SMAD2: variants seen among roughly 807,000 people sequenced by gnomAD.
The protein encoded by SMAD2 is SMAD family member 2.
Under a neutral mutation model 64.4 loss-of-function variants are expected in SMAD2, and 8 were observed. The observed-to-expected ratio is 0.12, with a 90% confidence interval of 0.07 to 0.22. SMAD2 has a LOEUF of 0.22. Among genes scored for constraint, SMAD2 ranks in the 10% least tolerant of loss-of-function variants. SMAD2 has a pLI of 1.00. For missense variants in SMAD2, 289 were observed against 561.2 expected, an observed-to-expected ratio of 0.51 and a Z score of 4.90; for synonymous variants, 203 against 195.8, an observed-to-expected ratio of 1.04 and a Z score of -0.31.
chr18:47,886,456 G>A (rs2032902288), intron 2 of SMAD2, among the ~76,000 whole-genome samples: 1 of 152,070 alleles, frequency 6.6e-6, no homozygotes, highest in South Asian at 2.1e-4. Context: ...ATAAATTTGT[G>A]TTCAGTATCT....
At chr18:47,893,068 G>A (rs967474094) in intron 2 of SMAD2, among the ~76,000 whole-genome samples, 1 of 151,946 alleles carries the variant, frequency 6.6e-6, no homozygotes, top group Non-Finnish European at 1.5e-5. Context: ...CTGATTTCAC[G>A]ACCAAGTTGT....
Position 47,815,592 on chromosome 18 carries a change from T to G in SMAD2, c.*26235A>C, listed in dbSNP as rs1003388318. 6.6e-6 allele frequency: 1 copy of G among 152,186 alleles called. No homozygotes were observed. Among genetic ancestry groups the G allele is most frequent in the Non-Finnish European group, 1.5e-5 (1 of 68,038 alleles). 9.4% of individuals were successfully genotyped at this position (152,186 alleles called of 1,614,324 possible). Reference sequence around the variant, plus strand: ...TGGAAACCATTTATTTAACCACTAGTACAAAAACTGGCCTTGAATAAGACA... The same window carrying G: ...TGGAAACCATTTATTTAACCACTAGGACAAAAACTGGCCTTGAATAAGACA... On this transcript the variant is annotated 3_prime_UTR_variant, in exon 11 of 11. Coordinates refer to ENST00000262160, the MANE Select transcript of SMAD2 (RefSeq NM_005901.6).
chr18:47,928,907 G>T (rs2034877807), intron 1 of SMAD2, among the ~76,000 whole-genome samples: 1 of 152,142 alleles, frequency 6.6e-6, no homozygotes. Flanking sequence ...GTAAAAGTGG[G>T]CACACTCTTT....
chr18:47,870,720 C>T (rs1377880288), intron 2 of SMAD2, among the ~76,000 whole-genome samples, 156 bp from the exon 3 acceptor site: 2 of 152,116 alleles, frequency 1.3e-5, no homozygotes, highest in East Asian at 3.8e-4. Context: ...GTGCTGGTTA[C>T]TATATTTTCT....
chr18:47,845,528 T>G (rs1445891283), intron 9 of SMAD2, 44 bp from the exon 10 acceptor site: 1 of 1,593,654 alleles, frequency 6.3e-7, no homozygotes, highest in African/African-American at 1.3e-5. Flanking sequence ...AGAGTATCAT[T>G]ATTAAAAAGT....
rs1913630993 is a variant in SMAD2 at position 47,838,349 on chromosome 18, C to T, written c.*3478G>A. 1 of 233,026 alleles carries T rather than the reference C, an allele frequency of 4.3e-6. No homozygotes were observed. Among genetic ancestry groups the T allele is most frequent in the Admixed American group, 5.6e-5 (1 of 17,750 alleles). The allele number at this position is 233,026 out of a possible 1,614,324, so 14.4% of individuals were successfully genotyped here. Reference sequence around the variant, plus strand: ...TTTCAAGAAAAATTAGGCAGATTTCCTTCTGCCAAAGTGACAGGTCCTGAG... The same window carrying T: ...TTTCAAGAAAAATTAGGCAGATTTCTTTCTGCCAAAGTGACAGGTCCTGAG... On this transcript the variant is annotated 3_prime_UTR_variant, in exon 11 of 11. Transcript: ENST00000262160.
At chr18:47,922,686 A>C (rs1598902792) in intron 1 of SMAD2, 1 of 152,258 alleles carries the variant, frequency 6.6e-6, no homozygotes, top group East Asian at 1.9e-4. Flanking sequence ...CAGCAGCATC[A>C]ATGACCTGGA....
At chr18:47,873,021 T>A (rs988029875) in intron 2 of SMAD2, among the ~76,000 whole-genome samples, 2 of 152,068 alleles carry the variant, frequency 1.3e-5, no homozygotes, top group Non-Finnish European at 2.9e-5. Context: ...GTCACCACGA[T>A]TGGCTAATTT....
At chr18:47,849,488 TATA>T (rs1914876693) in intron 7 of SMAD2, among the ~76,000 whole-genome samples, 6 of 10,808 alleles carry the variant, frequency 5.6e-4, no homozygotes, top group Non-Finnish European at 6.9e-4. Context: ...GAAATGTATG[TATA>T]TATATATATA....
intron 2 of SMAD2, among the ~76,000 whole-genome samples, chr18:47,873,613 C>T (rs974750656): frequency 2.8e-4 from 42 of 152,208 alleles, no homozygotes; most frequent in African/African-American, 1.0e-3. Flanking sequence ...GGTTCTAATT[C>T]CAGTAATGGC....
chr18:47,922,570 G>A (rs755811236), intron 1 of SMAD2: 5 of 152,242 alleles, frequency 3.3e-5, no homozygotes, highest in Non-Finnish European at 5.9e-5. Context: ...GGACTTCAGC[G>A]TTCTCATATT....
At chr18:47,888,992 G>C (rs1238529698) in intron 2 of SMAD2, among the ~76,000 whole-genome samples, 1 of 152,000 alleles carries the variant, frequency 6.6e-6, no homozygotes, top group Non-Finnish European at 1.5e-5. Context: ...TACTATAACT[G>C]AAGGATATAT....
intron 8 of SMAD2, among the ~76,000 whole-genome samples, chr18:47,848,225 C>T (rs1914717394): frequency 6.6e-6 from 1 of 152,112 alleles, no homozygotes; most frequent in African/African-American, 2.4e-5. Context: ...TTAAACTTAT[C>T]TTAACACATA....
chr18:47,890,445 G>A (rs1028368856), intron 2 of SMAD2, among the ~76,000 whole-genome samples: 2 of 152,150 alleles, frequency 1.3e-5, no homozygotes, highest in Non-Finnish European at 2.9e-5. Context: ...TTTAATGTGA[G>A]TTCTCCTGAA....
At chr18:47,865,015 T>C in intron 6 of SMAD2, 44 bp downstream of exon 6, 1 of 1,092,198 alleles carries the variant, frequency 9.2e-7, no homozygotes, top group Non-Finnish European at 1.4e-6. Flanking sequence ...ATACAAGAAA[T>C]GTATATCTAA....
chr18:47,870,954 A>G (rs936826197), intron 2 of SMAD2, among the ~76,000 whole-genome samples: 1 of 152,170 alleles, frequency 6.6e-6, no homozygotes, highest in African/African-American at 2.4e-5. Flanking sequence ...ATGTCAACTG[A>G]TTTTTAATAT....
At chr18:47,854,218 C>T (rs1360684728) in intron 6 of SMAD2, among the ~76,000 whole-genome samples, 3 of 152,094 alleles carry the variant, frequency 2.0e-5, no homozygotes, top group African/African-American at 7.2e-5. Context: ...TATTTGAGAT[C>T]CAGTGTGAAT....
Position 47,921,052 on chromosome 18 carries a change from G to A in SMAD2, c.-54+9309C>T, listed in dbSNP as rs554110282. On this transcript the variant is annotated intron_variant, in intron 1 of 10. Coordinates refer to ENST00000262160, the MANE Select transcript of SMAD2 (RefSeq NM_005901.6). Reference sequence around the variant, plus strand: ...TGCGCCTGCAGTCCCAACTACTCAGGTAGCTGAGGTGGGAGATTAACTTGA... The same window carrying A: ...TGCGCCTGCAGTCCCAACTACTCAGATAGCTGAGGTGGGAGATTAACTTGA... Among the ~76,000 whole-genome samples, 3 of 152,288 alleles carry A rather than the reference G, an allele frequency of 2.0e-5. No individual in the cohort carries two copies. The East Asian group carries it at 5.8e-4, about 29-fold the overall frequency.
In SMAD2 at chr18:47,833,888, T is replaced by C. The variant is rs1435908597; in HGVS notation, c.*7939A>G. 1 of 227,592 alleles carries C rather than the reference T, an allele frequency of 4.4e-6. No homozygotes were observed. The highest frequency in any genetic ancestry group is 8.7e-6 in the Non-Finnish European group (1 of 114,700). 14.1% of individuals were successfully genotyped at this position (227,592 alleles called of 1,614,324 possible). A position where few individuals can be genotyped will look rare whatever the true frequency, so the allele number is the denominator to read the frequency against. On this transcript the variant is annotated 3_prime_UTR_variant, in exon 11 of 11. Transcript: ENST00000262160. ...CCTTTTACTATGAAAAATGTAAATT[T>C]CAGATTAAGTTTAACCCCATAAGGA...
Sources: allele counts gnomAD v4.1 joint callset (sites outside exome capture counted in the v4.1 genomes callset), GRCh38; gene constraint gnomAD v4.1.1; transcripts MANE v1.5; gene names NCBI Gene and HGNC (gene_info 2026-07-23, HGNC 2026-07-21).